The following GNAO1 variants were observed in gnomAD, a reference collection of about 807,000 sequenced individuals.
GNAO1 encodes guanine nucleotide-binding protein G(o) subunit alpha.
For missense variants in GNAO1, 166 were observed against 478.7 expected (o/e 0.35, Z 6.10); for synonymous variants, 164 against 180.7 (o/e 0.91, Z 0.74).
intron 3 of GNAO1, among the ~76,000 whole-genome samples, chr16:56,325,441 A>C (rs2037621714): frequency 6.6e-6 from 1 of 152,240 alleles, no homozygotes; most frequent in African/African-American, 2.4e-5. Flanking sequence ...ATGCCACTGC[A>C]TTCCAGCCTG....
At position 56,276,051 on chromosome 16, in the gene GNAO1, A is replaced by G. The variant is rs2037058709; in HGVS notation, c.282A>G (p.Glu94=). Reference sequence around the variant, plus strand: ...GGGCCATGGACACTTTGGGCATCGAATATGGTGATAAGGAGAGAAAGGTAG... The same window carrying G: ...GGGCCATGGACACTTTGGGCATCGAGTATGGTGATAAGGAGAGAAAGGTAG... The part of the protein sequence containing the change: ...IVRAMDTLGI[E]YGDKERKADA... The change falls in exon 3 of 9, where the codon GAA becomes GAG. Residue 94 remains glutamate, a synonymous_variant. Transcript: ENST00000262493. 36 of 1,614,022 alleles carry G rather than the reference A, an allele frequency of 2.2e-5. No homozygotes were observed. The highest frequency in any genetic ancestry group is 3.1e-5 in the Non-Finnish European group (36 of 1,179,950).
chr16:56,291,789 G>A (rs1418536995), intron 3 of GNAO1, among the ~76,000 whole-genome samples: 1 of 152,144 alleles, frequency 6.6e-6, no homozygotes, highest in Non-Finnish European at 1.5e-5. Context: ...TCTGGTAAGG[G>A]TTTCTTCTCT....
chr16:56,313,601 G>A (rs901175648), intron 3 of GNAO1, among the ~76,000 whole-genome samples: 1 of 152,118 alleles, frequency 6.6e-6, no homozygotes, highest in African/African-American at 2.4e-5. Flanking sequence ...GGCCCCACAC[G>A]AACAGGGAAG....
chr16:56,206,204 C>T (rs1332354493), intron 2 of GNAO1, among the ~76,000 whole-genome samples: 1 of 151,762 alleles, frequency 6.6e-6, no homozygotes. Flanking sequence ...ACTGTAGTCA[C>T]AGCTACTCGG....
At chr16:56,261,429 C>A (rs746429134) in intron 2 of GNAO1, among the ~76,000 whole-genome samples, 1 of 152,222 alleles carries the variant, frequency 6.6e-6, no homozygotes, top group East Asian at 1.9e-4. Context: ...CCCTTTGTCT[C>A]TTCAGGTTGC....
chr16:56,290,385 G>C (rs1404291490), intron 3 of GNAO1, among the ~76,000 whole-genome samples: 1 of 152,246 alleles, frequency 6.6e-6, no homozygotes, highest in Admixed American at 6.5e-5. Flanking sequence ...GCCTGGCCCA[G>C]AATTGGTGGG....
At chr16:56,219,243 G>A (rs2036463012) in intron 2 of GNAO1, among the ~76,000 whole-genome samples, 1 of 152,172 alleles carries the variant, frequency 6.6e-6, no homozygotes, top group African/African-American at 2.4e-5. Context: ...ATTGGGTTTA[G>A]GTCTGCTATT....
chr16:56,197,328 A>G (rs1314640208), intron 2 of GNAO1, among the ~76,000 whole-genome samples: 4 of 152,106 alleles, frequency 2.6e-5, no homozygotes, highest in African/African-American at 4.8e-5. Context: ...GTCCCTCTCT[A>G]TGTTTATTCA....
chr16:56,289,006 A>T, intron 3 of GNAO1, among the ~76,000 whole-genome samples: 1 of 149,990 alleles, frequency 6.7e-6, no homozygotes. Flanking sequence ...ATTGCCAAGC[A>T]CAAGGTTCTT....
intron 2 of GNAO1, among the ~76,000 whole-genome samples, chr16:56,240,361 C>T (rs1440705003): frequency 1.3e-5 from 2 of 152,120 alleles, no homozygotes; most frequent in South Asian, 2.1e-4. Flanking sequence ...ATTGGGCACC[C>T]GTGCTGGTGC....
intron 2 of GNAO1, among the ~76,000 whole-genome samples, chr16:56,274,258 T>C (rs1222072414): frequency 6.6e-6 from 1 of 152,246 alleles, no homozygotes; most frequent in East Asian, 1.9e-4. Context: ...TTGAAGATGC[T>C]TGTTTCACAT....
intron 2 of GNAO1, among the ~76,000 whole-genome samples, chr16:56,197,952 C>T (rs934883420): frequency 1.3e-5 from 2 of 152,040 alleles, no homozygotes; most frequent in African/African-American, 4.8e-5. Flanking sequence ...TGTTTTCATT[C>T]TCATTTCTTA....
intron 2 of GNAO1, chr16:56,245,529 C>G (rs1021228741): frequency 6.5e-6 from 1 of 154,794 alleles, no homozygotes; most frequent in South Asian, 2.0e-4. Flanking sequence ...TGGATGTGTT[C>G]CTGTCCCAGA....
chr16:56,300,333 A>C (rs1383723094), intron 3 of GNAO1, among the ~76,000 whole-genome samples: 1 of 152,222 alleles, frequency 6.6e-6, no homozygotes, highest in Non-Finnish European at 1.5e-5. Context: ...GGCGGTACAG[A>C]GAATTTAAAT....
At chr16:56,333,210 C>CT (rs71149663) in intron 4 of GNAO1, among the ~76,000 whole-genome samples, 46,168 of 140,804 alleles carry the variant, frequency 0.33, 8,475 homozygotes, top group East Asian at 0.69. Context: ...TTCTTTTTTT[C>CT]TTTTTTTTTT....
In GNAO1 at chr16:56,192,802, C is replaced by T. The variant is rs886724484; in HGVS notation, c.161+186C>T. On this transcript the variant is annotated intron_variant, in intron 2 of 8. Transcript: ENST00000262493. ...CTCCCTACGTTGGTTCTGGGTCCTC[C>T]ACCCTAACTCCTGGGTGGGTGTTTT... The T allele has an allele frequency of 1.5e-5, 9 of 588,712 alleles. No individual in the cohort carries two copies. The African/African-American group carries it at 1.7e-4, about 11-fold the overall frequency. The allele number at this position is 588,712 out of a possible 1,614,324, so 36.5% of individuals were successfully genotyped here.
intron 2 of GNAO1, among the ~76,000 whole-genome samples, chr16:56,243,798 G>A (rs2143434918): frequency 6.6e-6 from 1 of 152,186 alleles, no homozygotes; most frequent in East Asian, 1.9e-4. Flanking sequence ...ATTATATGAT[G>A]TGTGAATTTT....
At chr16:56,241,660 A>C (rs1302472404) in intron 2 of GNAO1, among the ~76,000 whole-genome samples, 1 of 152,240 alleles carries the variant, frequency 6.6e-6, no homozygotes, top group East Asian at 1.9e-4. Flanking sequence ...CTACCAAGCA[A>C]ATGAAGCATA....
rs1596789499 is a variant in GNAO1 at position 56,194,517 on chromosome 16, A to G, written c.161+1901A>G. The G allele has an allele frequency of 3.2e-5, 10 of 315,018 alleles. No homozygotes were observed. In the East Asian group the frequency reaches 5.5e-4, roughly 17 times the overall value. 19.5% of individuals were successfully genotyped at this position (315,018 alleles called of 1,614,324 possible). The stretch of plus-strand genomic sequence containing the variant: ...CGCCCAGCCGAGGCCGGAAAAGTCG[A>G]TGGGGCTCAGTTCGGCGACGCTCGG... On this transcript the variant is annotated intron_variant, in intron 2 of 8. Coordinates refer to ENST00000262493, the MANE Select transcript of GNAO1 (RefSeq NM_020988.3).
Sources: gnomAD v4.1 joint callset for allele counts (sites outside exome capture counted in the v4.1 genomes callset) on GRCh38, gnomAD v4.1.1 for gene constraint, MANE v1.5 for transcripts, NCBI Gene and HGNC (gene_info 2026-07-23, HGNC 2026-07-21) for gene names.